The following SMYD3 variants were observed in gnomAD, a reference collection of about 807,000 sequenced individuals.
SMYD3 encodes histone-lysine N-methyltransferase SMYD3.
A neutral mutation model predicts 57.7 loss-of-function variants in SMYD3; 36 were observed. That is an observed-to-expected ratio of 0.62 (90% CI 0.48 to 0.82). The LOEUF is 0.82. SMYD3 is among the 40% of genes least tolerant of loss of function. The pLI, the probability that SMYD3 is intolerant of heterozygous loss-of-function variation, is 0.00. For missense variants in SMYD3, 515 were observed against 538.8 expected (o/e 0.96, Z 0.44); for synonymous variants, 211 against 195.0 (o/e 1.08, Z -0.68).
chr1:245,777,679 C>T (rs993920037), intron 10 of SMYD3, among the ~76,000 whole-genome samples: 1 of 152,176 alleles, frequency 6.6e-6, no homozygotes, highest in Non-Finnish European at 1.5e-5. Context: ...CTTATAGGCT[C>T]AAGGTATTTC....
intron 10 of SMYD3, among the ~76,000 whole-genome samples, chr1:245,842,130 T>C (rs1456389654): frequency 1.3e-5 from 2 of 152,230 alleles, no homozygotes; most frequent in African/African-American, 4.8e-5. Flanking sequence ...ATACATTTCA[T>C]GACGATTGCG....
At chr1:246,333,234 T>C (rs1175114677) in intron 3 of SMYD3, among the ~76,000 whole-genome samples, 1 of 152,130 alleles carries the variant, frequency 6.6e-6, no homozygotes, top group Non-Finnish European at 1.5e-5. Flanking sequence ...TGGATAACAC[T>C]GAGGGGTCAA....
At chr1:245,942,663 G>C (rs1433677690) in intron 5 of SMYD3, among the ~76,000 whole-genome samples, 7 of 152,162 alleles carry the variant, frequency 4.6e-5, no homozygotes, top group Admixed American at 2.0e-4. Flanking sequence ...CCCCAAAACA[G>C]AATACACATT....
At chr1:246,084,945 G>A (rs2060699412) in intron 5 of SMYD3, among the ~76,000 whole-genome samples, 1 of 152,134 alleles carries the variant, frequency 6.6e-6, no homozygotes, top group African/African-American at 2.4e-5. Flanking sequence ...CCCTAAAGAT[G>A]CGCATTAACA....
intron 5 of SMYD3, among the ~76,000 whole-genome samples, chr1:246,074,878 C>T (rs952866354): frequency 6.6e-6 from 1 of 151,408 alleles, no homozygotes; most frequent in Admixed American, 6.6e-5. Context: ...AAAGTTGGAG[C>T]ACACATCTGC....
chr1:245,904,868 T>C (rs2054454914), intron 8 of SMYD3, among the ~76,000 whole-genome samples: 1 of 150,216 alleles, frequency 6.7e-6, no homozygotes, highest in Non-Finnish European at 1.5e-5. Flanking sequence ...CAGGGAAGAG[T>C]AGGGAGGACT....
intron 5 of SMYD3, among the ~76,000 whole-genome samples, chr1:246,239,205 A>G (rs1313476189): frequency 2.0e-5 from 3 of 152,108 alleles, no homozygotes; most frequent in Non-Finnish European, 2.9e-5. Flanking sequence ...CCATTAACTC[A>G]TCATTTACAT....
chr1:246,161,269 C>T (rs553461299), intron 5 of SMYD3, among the ~76,000 whole-genome samples: 3 of 152,302 alleles, frequency 2.0e-5, no homozygotes, highest in African/African-American at 4.8e-5. Context: ...GCTTCTTCTC[C>T]GGGGCCCTAC....
Position 245,762,947 on chromosome 1 carries a change from C to T in SMYD3, c.1185+1094G>A, listed in dbSNP as rs1025677110. 5.3e-5 allele frequency among the ~76,000 whole-genome samples: 8 copies of T among 152,134 alleles called. No homozygotes were observed. In the East Asian group the frequency reaches 9.7e-4, roughly 18 times the overall value. On this transcript the variant is annotated intron_variant, in intron 11 of 11. Transcript: ENST00000490107. ...GATACCCGCACGCCAGGTCTCCATA[C>T]AACCCACCAGTGCCTGGCCAGGTGA...
intron 1 of SMYD3, among the ~76,000 whole-genome samples, chr1:246,459,642 G>A (rs2067765866): frequency 6.6e-6 from 1 of 152,150 alleles, no homozygotes; most frequent in Admixed American, 6.6e-5. Flanking sequence ...CAATTAAACT[G>A]CTTTTCTTCA....
intron 10 of SMYD3, among the ~76,000 whole-genome samples, chr1:245,793,081 C>T (rs755883914): frequency 0.014 from 848 of 62,592 alleles, 10 homozygotes; most frequent in African/African-American, 0.064. Context: ...GAGGCCGAGG[C>T]GGGTGATCAC....
chr1:246,453,432 C>T (rs889212586), intron 1 of SMYD3, among the ~76,000 whole-genome samples: 2 of 152,116 alleles, frequency 1.3e-5, no homozygotes, highest in African/African-American at 4.8e-5. Flanking sequence ...TACGATGCTT[C>T]TATATGTAAA....
At chr1:246,248,626 TCTGA>T (rs1256674342) in intron 5 of SMYD3, among the ~76,000 whole-genome samples, 1 of 139,808 alleles carries the variant, frequency 7.2e-6, no homozygotes, top group African/African-American at 2.7e-5. Flanking sequence ...GCAAAAGCTC[TCTGA>T]CTTTCCTTTT....
rs1558347029 is a variant in SMYD3, at chr1:246,247,481, A to ATT, written c.531+79719_531+79720insAA. Among the ~76,000 whole-genome samples, 8 of 144,540 alleles carry ATT rather than the reference A, an allele frequency of 5.5e-5. 1 individual carries two copies. The highest frequency in any genetic ancestry group is 2.3e-4 in the South Asian group (1 of 4,380). The allele number at this position is 144,540 out of a possible 152,430, so 94.8% of individuals were successfully genotyped here. ...TCTCTCTCTCTATATATATATATAT[A>ATT]TATATTTTTTAACATGGGACTCATA... On this transcript the variant is annotated intron_variant, in intron 5 of 11. Transcript: ENST00000490107.
intron 5 of SMYD3, among the ~76,000 whole-genome samples, chr1:245,994,765 A>C (rs1399096542): frequency 6.6e-6 from 1 of 152,120 alleles, no homozygotes; most frequent in Non-Finnish European, 1.5e-5. Context: ...AGGTGGTATG[A>C]AGTGAGACTG....
At chr1:246,327,032 T>C in intron 5 of SMYD3, 169 bp downstream of exon 5, 1 of 740,532 alleles carries the variant, frequency 1.4e-6, no homozygotes, top group Non-Finnish European at 2.2e-6. Context: ...CCCTTCTCAA[T>C]GCACACAATA....
rs754724096 is a variant in SMYD3, at chr1:246,101,071, GTTTTTTTT to G, written c.532-171142_532-171135del. Among the ~76,000 whole-genome samples the G allele has an allele frequency of 5.5e-5, 3 of 54,124 alleles. No homozygotes were observed. In the East Asian group the frequency reaches 1.6e-3, roughly 29 times the overall value. The allele number at this position is 54,124 out of a possible 152,430, so 35.5% of individuals were successfully genotyped here. On this transcript the variant is annotated intron_variant, in intron 5 of 11. Transcript: ENST00000490107. ...TAATATGTATTTTTAGGGGTTTTTTGTTTTTTTTTTTTTTTTTTTTTTTTTTTTTACAG... is the reference window on the plus strand; with the variant it reads ...TAATATGTATTTTTAGGGGTTTTTTGTTTTTTTTTTTTTTTTTTTTTACAG...
intron 5 of SMYD3, among the ~76,000 whole-genome samples, chr1:246,059,235 G>A (rs560163350): frequency 6.6e-6 from 1 of 152,094 alleles, no homozygotes; most frequent in Non-Finnish European, 1.5e-5. Flanking sequence ...AACGAGGGAG[G>A]CAATAGATCC....
chr1:246,155,275 T>C (rs2062005511), intron 5 of SMYD3, among the ~76,000 whole-genome samples: 1 of 152,064 alleles, frequency 6.6e-6, no homozygotes, highest in African/African-American at 2.4e-5. Context: ...AAGAAAAAAA[T>C]ATTGCTTAAT....
Sources: allele counts gnomAD v4.1 joint callset (sites outside exome capture counted in the v4.1 genomes callset), GRCh38; gene constraint gnomAD v4.1.1; transcripts MANE v1.5; gene names NCBI Gene and HGNC (gene_info 2026-07-23, HGNC 2026-07-21).